TTN: variants seen among roughly 807,000 people sequenced by gnomAD.
The protein encoded by TTN is connectin.
TTN carries 1,525 observed loss-of-function variants against 3,223.0 expected under a neutral mutation model. That is an observed-to-expected ratio of 0.47 (90% CI 0.45 to 0.49). The LOEUF is 0.49. Among genes scored for constraint, TTN ranks in the 20% least tolerant of loss-of-function variants. TTN has a pLI of 0.00. For synonymous variants in TTN, 14,094 were observed against 15,161.0 expected (o/e 0.93, Z 5.17); for missense variants, 40,786 against 43,424.0 (o/e 0.94, Z 5.40).
At position 178,532,696 on chromosome 2, in the gene TTN, G is replaced by A. The variant is rs2154134518; in HGVS notation, c.103919C>T (p.Pro34640Leu). 6.8e-6 allele frequency: 11 copies of A among 1,613,944 alleles called. No homozygotes were observed. Among genetic ancestry groups the A allele is most frequent in the Non-Finnish European group, 9.3e-6 (11 of 1,179,872 alleles). ...EIVRPARRRT[P>L]SPDYDFYYRP... ...GTAGTAAAAGTCATAATCAGGAGAAGGTGTACGCCGGCGGGCTGGTCTCAC... is the reference window on the plus strand; with the variant it reads ...GTAGTAAAAGTCATAATCAGGAGAAAGTGTACGCCGGCGGGCTGGTCTCAC... The change falls in exon 358 of 363, where the codon CCT becomes CTT. Residue 34640 changes from proline to leucine, a missense_variant. Transcript: ENST00000589042.
In TTN at chr2:178,720,429, T is replaced by C; in HGVS notation, c.23333A>G (p.Asn7778Ser). The change falls in exon 80 of 363, where the codon AAT (asparagine) becomes AGT (serine). Residue 7778 changes from asparagine to serine, a missense_variant. Physicochemically the swap from Asn to Ser is conservative, Grantham distance 46. Transcript: ENST00000589042. ...AGAACACGTGTCACTTCCCACCTCA[T>C]TAGTAGCTTTGCAGTGATATTCCCC... ...DVGEYHCKAT[N>S]EVGSDTCSCS... The C allele has an allele frequency of 6.2e-7, 1 of 1,613,632 alleles. No individual in the cohort carries two copies. The highest frequency in any genetic ancestry group is 1.1e-5 in the South Asian group (1 of 91,038).
Position 178,542,898 on chromosome 2 carries a change from G to A in TTN, c.96956C>T (p.Pro32319Leu). ...STMPQKTIHV[P>L]AGRPVELVIP... ...CACCAGCTCTACTGGTCTGCCAGCT[G>A]GGACATGGATGGTCTTCTGAGGCAT... Residue 32319 changes from proline (P) to leucine (L), a missense_variant, in exon 348 of 363, where the codon CCA (proline) becomes CTA (leucine). Coordinates refer to ENST00000589042, the MANE Select transcript of TTN (RefSeq NM_001267550.2). 6.2e-7 allele frequency: 1 copy of A among 1,613,306 alleles called. No individual in the cohort carries two copies. The highest frequency in any genetic ancestry group is 8.5e-7 in the Non-Finnish European group (1 of 1,179,352).
rs777932627 is a variant in TTN, at chr2:178,740,088, C to A, written c.13145G>T (p.Ser4382Ile). ...CTCTTCTGGAATACCAGAAAGCAAG[C>A]TTTCCTTAGAAAGAAGGTCCCTTCC... The part of the protein sequence containing the change: ...VQGRDLLSKE[S>I]LLSGIPEEQR... Residue 4382 changes from serine to isoleucine, a missense_variant, in exon 48 of 363, where the codon AGC (serine) becomes ATC (isoleucine). Physicochemically the swap from Ser to Ile is moderately radical, Grantham distance 142. Transcript: ENST00000589042. 4 of 1,613,704 alleles carry A rather than the reference C, an allele frequency of 2.5e-6. No individual in the cohort carries two copies. The African/African-American group carries it at 4.0e-5, about 16-fold the overall frequency.
In TTN at chr2:178,566,404, T is replaced by G. The variant is rs760955443; in HGVS notation, c.79728A>C (p.Ser26576=). 36 of 1,613,384 alleles carry G rather than the reference T, an allele frequency of 2.2e-5. No homozygotes were observed. Among genetic ancestry groups the G allele is most frequent in the Admixed American group, 3.3e-5 (2 of 59,968 alleles). Residue 26576 remains serine (S), a synonymous_variant, in exon 326 of 363, where the codon TCA becomes TCC. Coordinates refer to ENST00000589042, the MANE Select transcript of TTN (RefSeq NM_001267550.2). The part of the protein sequence containing the change: ...LNKVGLGEAT[S]VPGTVKPEDK... ...CTTCTGGTTTCACAGTACCAGGAACTGATGTAGCCTCACCTAAACCAACTT... is the reference window on the plus strand; with the variant it reads ...CTTCTGGTTTCACAGTACCAGGAACGGATGTAGCCTCACCTAAACCAACTT...
chr2:178,557,140 G>A lies in TTN; in HGVS notation c.88014C>T (p.Pro29338=), dbSNP rs1701797182. The part of the protein sequence containing the change: ...EPVLAIDACE[P]PRNVRITDIS... The stretch of plus-strand genomic sequence containing the variant: ...TATCAGTGATACGAACATTTCTTGG[G>A]GGTTCTGTGGTAATAAGAGAAGCAG... The change falls in exon 330 of 363, where the codon CCC becomes CCT. Residue 29338 remains proline, a synonymous_variant. Coordinates refer to ENST00000589042, the MANE Select transcript of TTN (RefSeq NM_001267550.2). The A allele has an allele frequency of 6.2e-7, 1 of 1,613,238 alleles. No individual in the cohort carries two copies. Among genetic ancestry groups the A allele is most frequent in the Admixed American group, 1.7e-5 (1 of 59,914 alleles).
At chr2:178,711,373 C>G in intron 96 of TTN, 24 bp from the exon 97 acceptor site, 1 of 1,537,996 alleles carries the variant, frequency 6.5e-7, no homozygotes, top group Non-Finnish European at 8.7e-7. Context: ...ATAAAAGTAA[C>G]AAATACTTTA....
intron 219 of TTN, 81 bp from the exon 220 acceptor site, chr2:178,641,396 T>C (rs763159090): frequency 9.6e-6 from 8 of 834,202 alleles, no homozygotes; most frequent in Non-Finnish European, 1.5e-5. Context: ...GCAAATAATG[T>C]ACAAAGCAAG....
Position 178,584,910 on chromosome 2 carries a change from G to A in TTN, c.64731C>T (p.Cys21577=). Residue 21577 remains cysteine, a synonymous_variant, in exon 310 of 363, where the codon TGC becomes TGT. Coordinates refer to ENST00000589042, the MANE Select transcript of TTN (RefSeq NM_001267550.2). ...FDISDIDADA[C]SLSWHIPLED... ...CCAGAGGGATGTGCCATGACAGGGA[G>A]CAAGCATCAGCGTCTATATCAGAAA... 6.2e-7 allele frequency: 1 copy of A among 1,613,340 alleles called. No individual in the cohort carries two copies. The highest frequency in any genetic ancestry group is 8.5e-7 in the Non-Finnish European group (1 of 1,179,536).
chr2:178,592,829 C>T lies in TTN; in HGVS notation c.59290G>A (p.Gly19764Ser), dbSNP rs1239011047. Residue 19764 changes from glycine to serine, a missense_variant, in exon 300 of 363, where the codon GGT (glycine) becomes AGT (serine). Coordinates refer to ENST00000589042, the MANE Select transcript of TTN (RefSeq NM_001267550.2). The part of the protein sequence containing the change: ...KFRVLAVNAA[G>S]ESDPAHVPEP... The stretch of plus-strand genomic sequence containing the variant: ...GGAACATGAGCTGGATCTGATTCAC[C>T]AGCTGCATTGACTGCTAACACTCTA... 1 of 1,613,482 alleles carries T rather than the reference C, an allele frequency of 6.2e-7. No homozygotes were observed. The highest frequency in any genetic ancestry group is 8.5e-7 in the Non-Finnish European group (1 of 1,179,606).
rs1231962760 is a variant in TTN, at chr2:178,636,046, G to A, written c.41525C>T (p.Ala13842Val). The A allele has an allele frequency of 6.2e-7, 1 of 1,613,232 alleles. No individual in the cohort carries two copies. ...GTATGTTCCAGCATCTGTGTCATCTGCATCGTTGATGGTCAGAGCCCGCAT... is the reference window on the plus strand; with the variant it reads ...GTATGTTCCAGCATCTGTGTCATCTACATCGTTGATGGTCAGAGCCCGCAT... ...GLMRALTIND[A>V]DDTDAGTYTV... Residue 13842 changes from alanine (A) to valine (V), a missense_variant, in exon 226 of 363, where the codon GCA (alanine) becomes GTA (valine). Transcript: ENST00000589042. The surrounding 1 kb of genome is among the most constrained non-coding windows in gnomAD (Gnocchi z 4.3).
rs2057440561 is a variant in TTN, at chr2:178,616,923, T to G, written c.47966A>C (p.Tyr15989Ser). The G allele has an allele frequency of 2.5e-6, 4 of 1,612,566 alleles. No individual in the cohort carries two copies. In the South Asian group the frequency reaches 4.4e-5, roughly 18 times the overall value. ...ACACCAGGTTGCAGTTGGCCTTGGA[T>G]AGCCTGTACTTGGAACCAGGATCGT... ...PITILVPSTG[Y>S]PRPTATWCFG... Residue 15989 changes from tyrosine (Y) to serine (S), a missense_variant, in exon 256 of 363, where the codon TAT becomes TCT. By Grantham distance (144) the Tyr-to-Ser change is moderately radical (BLOSUM62 -2). Coordinates refer to ENST00000589042, the MANE Select transcript of TTN (RefSeq NM_001267550.2).
Position 178,777,993 on chromosome 2 carries a change from A to G in TTN, c.4209-18T>C. On this transcript the variant is annotated intron_variant, in intron 24 of 362. Transcript: ENST00000589042. ...AGAGAGATCTGCAAAACAAAGACAC[A>G]CAATACTTTCGTGAGGCATAAAGAA... The G allele has an allele frequency of 6.2e-7, 1 of 1,612,058 alleles. No individual in the cohort carries two copies. The highest frequency in any genetic ancestry group is 8.5e-7 in the Non-Finnish European group (1 of 1,179,204).
chr2:178,753,964 G>A (rs925777989), intron 46 of TTN: 1 of 152,098 alleles, frequency 6.6e-6, no homozygotes, highest in Non-Finnish European at 1.5e-5. Context: ...TTTAGTGTCA[G>A]AACCCAGAGT....
Position 178,562,107 on chromosome 2 carries a change from C to T in TTN, c.84025G>A (p.Val28009Ile). The change falls in exon 326 of 363, where the codon GTC (valine) becomes ATC (isoleucine). Residue 28009 changes from valine to isoleucine, a missense_variant. Physicochemically the swap from Val to Ile is conservative, Grantham distance 29 (BLOSUM62 3). Transcript: ENST00000589042. ...DGQTLKETTR[V>I]NVSSSKTVTS... ...ACAGTCTTTGAAGAAGAAACATTGA[C>T]TCTAGTTGTCTCTTTAAGAGTCTGA... 6.2e-7 allele frequency: 1 copy of T among 1,613,246 alleles called. No homozygotes were observed. The highest frequency in any genetic ancestry group is 8.5e-7 in the Non-Finnish European group (1 of 1,179,590).
At chr2:178,753,499 C>A in intron 46 of TTN, 1 of 221,102 alleles carries the variant, frequency 4.5e-6, no homozygotes, top group Non-Finnish European at 8.9e-6. Context: ...AAAAAATGTC[C>A]TATTGACTAA....
chr2:178,635,772 G>A (rs1221512138), intron 226 of TTN, 57 bp from the exon 227 acceptor site: 5 of 1,535,116 alleles, frequency 3.3e-6, no homozygotes, highest in Non-Finnish European at 4.4e-6. Flanking sequence ...AATATACATA[G>A]CTTCCTTAGT....
intron 126 of TTN, 124 bp downstream of exon 126, chr2:178,688,553 T>A (rs1229356965): frequency 1.4e-6 from 1 of 729,092 alleles, no homozygotes; most frequent in Non-Finnish European, 2.4e-6. Context: ...CACATTCTAA[T>A]ACCAACATAA....
chr2:178,649,997 C>T, intron 210 of TTN, 103 bp from the exon 211 acceptor site: 2 of 1,404,126 alleles, frequency 1.4e-6, no homozygotes, highest in Non-Finnish European at 2.0e-6. Context: ...ATATGTGGGA[C>T]CAAATTCTGT....
intron 117 of TTN, 122 bp downstream of exon 117, chr2:178,694,477 T>C (rs1294568878): frequency 5.1e-6 from 3 of 585,666 alleles, no homozygotes; most frequent in Non-Finnish European, 8.8e-6. Context: ...ATTTGTATTA[T>C]GTAAAAATGT....
Sources: gnomAD v4.1 joint callset for allele counts on GRCh38, gnomAD v4.1.1 for gene constraint, Gnocchi (gnomAD v3.1) non-coding constraint, MANE v1.5 for transcripts, NCBI Gene and HGNC (gene_info 2026-07-23, HGNC 2026-07-21) for gene names.